MAPK8IP3: variants seen among roughly 807,000 people sequenced by gnomAD.
The protein encoded by MAPK8IP3 is mitogen-activated protein kinase 8 interacting protein 3, also known as C-Jun-amino-terminal kinase-interacting protein 3.
MAPK8IP3 carries 49 observed loss-of-function variants against 157.8 expected under a neutral mutation model. The ratio of observed to expected loss-of-function variants is 0.31; its 90% confidence interval spans 0.25 to 0.39. The LOEUF (loss-of-function observed/expected upper bound fraction) is 0.39. Ranked by LOEUF, MAPK8IP3 falls within the 10% of genes least tolerant of loss-of-function variation. The pLI is 1.00. For missense variants in MAPK8IP3, 1,478 were observed against 1,889.4 expected, an observed-to-expected ratio of 0.78 and a Z score of 4.04; for synonymous variants, 897 against 777.7, an observed-to-expected ratio of 1.15 and a Z score of -2.55.
intron 4 of MAPK8IP3, among the ~76,000 whole-genome samples, chr16:1,730,999 G>T (rs938759880): frequency 6.6e-6 from 1 of 152,066 alleles, no homozygotes; most frequent in East Asian, 1.9e-4. Context: ...AATTAGCTGG[G>T]TGTGGTGGCA....
chr16:1,770,188 C>A lies in MAPK8IP3; in HGVS notation c.*1364C>A, dbSNP rs569719237. ...ATGTCCGCTCCCTCGTCTGTTCCCC[C>A]AGGATCTCGAAGTGACTCCGGGCTG... On this transcript the variant is annotated 3_prime_UTR_variant, in exon 32 of 32. Coordinates refer to ENST00000610761, the MANE Select transcript of MAPK8IP3 (RefSeq NM_001318852.2). The A allele has an allele frequency of 1.3e-5, 2 of 155,782 alleles. No individual in the cohort carries two copies. The highest frequency in any genetic ancestry group is 2.8e-5 in the Non-Finnish European group (2 of 70,336). 9.6% of individuals were successfully genotyped at this position (155,782 alleles called of 1,614,324 possible).
chr16:1,759,722 T>C lies in MAPK8IP3; in HGVS notation c.1247-236T>C, dbSNP rs554442156. 5.8e-4 allele frequency among the ~76,000 whole-genome samples: 89 copies of C among 152,324 alleles called. 1 individual carries two copies. The highest frequency in any genetic ancestry group is 1.9e-3 in the African/African-American group (79 of 41,580). On this transcript the variant is annotated intron_variant, in intron 10 of 31. Coordinates refer to ENST00000610761, the MANE Select transcript of MAPK8IP3 (RefSeq NM_001318852.2). ...ATTCAGGGGCCTGCGTCCGGCCAGCTGGCCTGTGACATTGGTCGGACATGA... is the reference window on the plus strand; with the variant it reads ...ATTCAGGGGCCTGCGTCCGGCCAGCCGGCCTGTGACATTGGTCGGACATGA...
intron 17 of MAPK8IP3, 78 bp downstream of exon 17, chr16:1,763,861 G>C (rs1176585864): frequency 6.2e-5 from 64 of 1,037,638 alleles, no homozygotes; most frequent in Non-Finnish European, 6.4e-5. Flanking sequence ...GCTGTGGGGC[G>C]GGGAGAGGGC....
intron 8 of MAPK8IP3, among the ~76,000 whole-genome samples, chr16:1,756,639 C>T (rs1596745758): frequency 6.9e-6 from 1 of 145,246 alleles, no homozygotes; most frequent in African/African-American, 2.5e-5. Context: ...CACACACACA[C>T]ACACACACAC....
intron 4 of MAPK8IP3, among the ~76,000 whole-genome samples, chr16:1,732,743 G>A (rs1285068340): frequency 6.6e-6 from 1 of 151,882 alleles, no homozygotes; most frequent in Non-Finnish European, 1.5e-5. Flanking sequence ...CTACGCCAGG[G>A]CGTGTGGATG....
chr16:1,744,549 G>C, intron 5 of MAPK8IP3: 1 of 985,570 alleles, frequency 1.0e-6, no homozygotes, highest in Non-Finnish European at 1.2e-6. Flanking sequence ...GGGCTCCCCG[G>C]GCCTTCTGGG....
intron 1 of MAPK8IP3, among the ~76,000 whole-genome samples, chr16:1,721,165 C>T (rs2038493836): frequency 6.6e-6 from 1 of 151,468 alleles, no homozygotes; most frequent in Non-Finnish European, 1.5e-5. Context: ...TGGAAAACAC[C>T]ATCTCTACTA....
chr16:1,768,189 C>T lies in MAPK8IP3; in HGVS notation c.3563-10C>T, dbSNP rs781316916. On this transcript the variant is annotated splice_polypyrimidine_tract_variant and intron_variant, in intron 29 of 31. Transcript: ENST00000610761. ...TGCGGGCTCAGCGCCTCTGGGTTCT[C>T]TCCCTGCAGCCAATAAGACATCCCC... 3.6e-5 allele frequency: 58 copies of T among 1,611,986 alleles called. No individual in the cohort carries two copies. The highest frequency in any genetic ancestry group is 4.3e-5 in the Non-Finnish European group (51 of 1,179,584).
intron 8 of MAPK8IP3, among the ~76,000 whole-genome samples, chr16:1,753,445 A>AT (rs199784594): frequency 0.15 from 21,758 of 148,782 alleles, 1,682 homozygotes; most frequent in East Asian, 0.34. Context: ...TTATTTATTT[A>AT]TTTATTTATT....
chr16:1,763,946 A>G, intron 17 of MAPK8IP3, 163 bp downstream of exon 17: 3 of 1,036,842 alleles, frequency 2.9e-6, no homozygotes, highest in Non-Finnish European at 4.1e-6. Context: ...CCTCCTGGGC[A>G]GGGGTCTGGA....
intron 4 of MAPK8IP3, among the ~76,000 whole-genome samples, chr16:1,735,602 CGT>C (rs373426184): frequency 1.1e-3 from 153 of 138,524 alleles, no homozygotes; most frequent in African/African-American, 4.2e-3. Context: ...TGTGAGCATC[CGT>C]GTGACCATCC....
chr16:1,766,793 C>T lies in MAPK8IP3; in HGVS notation c.3010C>T (p.Leu1004=), dbSNP rs2042289220. ...LHSIKLKDSV[L]SLVHVKGRVL... ...CTCCATCAAGCTGAAGGATTCTGTG[C>T]TGAGCCTGGTGTGGGTGACCCCAGA... The change falls in exon 24 of 32, where the codon CTG becomes TTG. Residue 1004 remains leucine (L), a synonymous_variant. Transcript: ENST00000610761. 6.2e-7 allele frequency: 1 copy of T among 1,612,758 alleles called. No individual in the cohort carries two copies. Among genetic ancestry groups the T allele is most frequent in the Non-Finnish European group, 8.5e-7 (1 of 1,179,934 alleles).
intron 15 of MAPK8IP3, 22 bp downstream of exon 15, chr16:1,762,753 G>T: frequency 1.3e-6 from 2 of 1,585,780 alleles, no homozygotes; most frequent in South Asian, 1.1e-5. Context: ...GCCCCTGGGG[G>T]ATGTGGGCAG....
chr16:1,760,284 C>A, intron 11 of MAPK8IP3, 96 bp from the exon 12 acceptor site: 1 of 1,480,780 alleles, frequency 6.8e-7, no homozygotes, highest in Non-Finnish European at 9.2e-7. Flanking sequence ...CAGGCTGTGC[C>A]TTCTCCAGGG....
chr16:1,763,937 C>A, intron 17 of MAPK8IP3, 154 bp downstream of exon 17: 2 of 1,073,474 alleles, frequency 1.9e-6, no homozygotes, highest in Non-Finnish European at 2.6e-6. Flanking sequence ...CCTAGTGAGC[C>A]TCCTGGGCAG....
chr16:1,741,060 G>A lies in MAPK8IP3; in HGVS notation c.603-2272G>A, dbSNP rs1040383493. ...AGGTGGGGCTGGTGCTGACTCGGGG[G>A]GCGACGGGCCAAGGAAGGGCCCCTC... is the stretch of plus-strand genomic sequence containing the variant. On this transcript the variant is annotated intron_variant, in intron 4 of 31. Transcript: ENST00000610761. The surrounding 1 kb of genome is among the most constrained non-coding windows in gnomAD (Gnocchi z 6.9). Among the ~76,000 whole-genome samples, 3 of 152,142 alleles carry A rather than the reference G, an allele frequency of 2.0e-5. No homozygotes were observed. Among genetic ancestry groups the A allele is most frequent in the Non-Finnish European group, 4.4e-5 (3 of 68,006 alleles).
In MAPK8IP3 at chr16:1,765,169, A is replaced by G. The variant is rs1380758199; in HGVS notation, c.2437A>G (p.Ser813Gly). Residue 813 changes from serine to glycine, a missense_variant, in exon 20 of 32, where the codon AGC becomes GGC. By Grantham distance (56) the Ser-to-Gly change is moderately conservative. Around this residue, in one of 11 missense-constraint regions of MAPK8IP3, gnomAD observed 669 missense variants for 759.8 expected, o/e 0.88. Coordinates refer to ENST00000610761, the MANE Select transcript of MAPK8IP3 (RefSeq NM_001318852.2). Reference sequence around the variant, plus strand: ...CAACGCGCACGTGCTGTGCATCTCCAGCATCCCCGGTGAGCAGCTGGAGTG... The same window carrying G: ...CAACGCGCACGTGCTGTGCATCTCCGGCATCCCCGGTGAGCAGCTGGAGTG... ...VCNAHVLCIS[S>G]IPAASDSDYP... The G allele has an allele frequency of 5.0e-6, 8 of 1,593,576 alleles. No homozygotes were observed. The highest frequency in any genetic ancestry group is 6.9e-6 in the Non-Finnish European group (8 of 1,164,724).
intron 16 of MAPK8IP3, among the ~76,000 whole-genome samples, 193 bp downstream of exon 16, chr16:1,763,199 C>T (rs1235862909): frequency 6.6e-6 from 1 of 152,230 alleles, no homozygotes; most frequent in Non-Finnish European, 1.5e-5. Context: ...GCTGCTTTGG[C>T]TCCACGGTAT....
At chr16:1,711,335 G>A (rs185217337) in intron 1 of MAPK8IP3, among the ~76,000 whole-genome samples, 1 of 152,216 alleles carries the variant, frequency 6.6e-6, no homozygotes, top group African/African-American at 2.4e-5. Context: ...TGACCATTGC[G>A]ACAACACAGT....
Sources: gnomAD v4.1 joint callset for allele counts (sites outside exome capture counted in the v4.1 genomes callset) on GRCh38, gnomAD v4.1.1 for gene constraint, gnomAD v4.1.1 regional missense constraint, Gnocchi (gnomAD v3.1) non-coding constraint, MANE v1.5 for transcripts, NCBI Gene and HGNC (gene_info 2026-07-23, HGNC 2026-07-21) for gene names.